The following HHIPL2 variants were observed in gnomAD, a reference collection of about 807,000 sequenced individuals.
HHIPL2 encodes the protein HHIP like 2, also known as HHIP-like protein 2.
A neutral mutation model predicts 61.0 loss-of-function variants in HHIPL2; 61 were observed. That is an observed-to-expected ratio of 1.00 (90% CI 0.81 to 1.24). The LOEUF is 1.24. Ranked by LOEUF, HHIPL2 falls within the 50% of genes most tolerant of loss-of-function variation. The pLI, the probability that HHIPL2 is intolerant of heterozygous loss-of-function variation, is 0.00. For synonymous variants in HHIPL2, 343 were observed against 357.4 expected (o/e 0.96, Z 0.45); for missense variants, 885 against 910.2 (o/e 0.97, Z 0.36).
chr1:222,532,222 G>C (rs1459598547), intron 5 of HHIPL2, 111 bp from the exon 6 acceptor site: 1 of 937,212 alleles, frequency 1.1e-6, no homozygotes, highest in East Asian at 2.7e-5. Flanking sequence ...CCCCCATTAA[G>C]AGATCAATAA....
intron 7 of HHIPL2, chr1:222,525,185 G>C (rs994313123): frequency 6.6e-6 from 1 of 152,138 alleles, no homozygotes; most frequent in African/African-American, 2.4e-5. Context: ...TTGTGAAAGT[G>C]GGGAGTTAAA....
chr1:222,522,543 A>G lies in HHIPL2; in HGVS notation c.*58T>C, dbSNP rs1658974638. On this transcript the variant is annotated 3_prime_UTR_variant, in exon 9 of 9. Transcript: ENST00000343410. Reference sequence around the variant, plus strand: ...AGGTCTTTATTCAGCAGTGACTTTCATTTGATGAGGTGGCTCTCCTCTCTC... The same window carrying G: ...AGGTCTTTATTCAGCAGTGACTTTCGTTTGATGAGGTGGCTCTCCTCTCTC... 4 of 1,561,154 alleles carry G rather than the reference A, an allele frequency of 2.6e-6. No homozygotes were observed. The East Asian group carries it at 9.0e-5, about 35-fold the overall frequency.
chr1:222,533,734 A>T (rs998313402), intron 5 of HHIPL2, among the ~76,000 whole-genome samples: 19 of 152,210 alleles, frequency 1.2e-4, no homozygotes, highest in African/African-American at 4.6e-4. Context: ...GGTGAACCCT[A>T]TGATTTTTCC....
intron 4 of HHIPL2, among the ~76,000 whole-genome samples, chr1:222,539,678 G>A (rs1160406486): frequency 1.3e-5 from 2 of 152,146 alleles, no homozygotes; most frequent in Admixed American, 6.5e-5. Context: ...TCTGCCAGTG[G>A]TTCTCAAAAT....
Position 222,540,412 on chromosome 1 carries a change from A to G in HHIPL2, c.1119-71T>C. ...GCCACAGGACTGGAAGAGATCGCCC[A>G]GAAGGGCCGACTCATAGCTGATGCC... On this transcript the variant is annotated intron_variant, in intron 3 of 8. Transcript: ENST00000343410. 3.2e-6 allele frequency: 4 copies of G among 1,244,590 alleles called. No individual in the cohort carries two copies. In the South Asian group the frequency reaches 4.3e-5, roughly 13 times the overall value. 77.1% of individuals were successfully genotyped at this position (1,244,590 alleles called of 1,614,324 possible). A position where few individuals can be genotyped will look rare whatever the true frequency, so the allele number is the denominator to read the frequency against.
chr1:222,540,679 G>T (rs1659413413), intron 3 of HHIPL2, among the ~76,000 whole-genome samples: 1 of 152,150 alleles, frequency 6.6e-6, no homozygotes, highest in Non-Finnish European at 1.5e-5. Context: ...CTCTGATTTG[G>T]TCTAATATGA....
At chr1:222,537,282 A>C (rs922752332) in intron 5 of HHIPL2, among the ~76,000 whole-genome samples, 1 of 151,726 alleles carries the variant, frequency 6.6e-6, no homozygotes, top group Non-Finnish European at 1.5e-5. Flanking sequence ...AGCCTGATAA[A>C]GGGTGTATAG....
intron 5 of HHIPL2, among the ~76,000 whole-genome samples, chr1:222,534,414 TA>T (rs748905919): frequency 4.6e-5 from 7 of 151,900 alleles, no homozygotes; most frequent in Non-Finnish European, 7.4e-5. Context: ...CCGTCTCTAC[TA>T]AAAATACAAA....
chr1:222,541,912 A>G, intron 3 of HHIPL2, 100 bp downstream of exon 3: 1 of 1,264,248 alleles, frequency 7.9e-7, no homozygotes, highest in Non-Finnish European at 1.1e-6. Context: ...AGTAGACTAC[A>G]TCTTGCAGTG....
At chr1:222,540,969 G>C (rs1056579299) in intron 3 of HHIPL2, among the ~76,000 whole-genome samples, 2 of 152,182 alleles carry the variant, frequency 1.3e-5, no homozygotes, top group Non-Finnish European at 2.9e-5. Flanking sequence ...AGGTGCAGTG[G>C]CTCATGCCTG....
rs781362373 is a variant in HHIPL2, at chr1:222,544,156, C to CGTG, written c.354_355insCAC (p.Asp118_Ala119insHis). 1 of 1,613,382 alleles carries CGTG rather than the reference C, an allele frequency of 6.2e-7. No homozygotes were observed. Among genetic ancestry groups the CGTG allele is most frequent in the Non-Finnish European group, 8.5e-7 (1 of 1,180,012 alleles). On this transcript the variant is annotated inframe_insertion, in exon 2 of 9. Coordinates refer to ENST00000343410, the MANE Select transcript of HHIPL2 (RefSeq NM_024746.4). ...CGGAGAGGCGTCTGGGTGTTTTCGG[C>CGTG]GTCGTAGAGGTGGGCTGCGTAGGGC... is the stretch of plus-strand genomic sequence containing the variant.
At chr1:222,543,148 C>T (rs1571777122) in intron 2 of HHIPL2, among the ~76,000 whole-genome samples, 1 of 152,210 alleles carries the variant, frequency 6.6e-6, no homozygotes, top group Admixed American at 6.5e-5. Flanking sequence ...TGTGCCACAG[C>T]TTCCAGTGAG....
At chr1:222,539,231 G>A (rs1659370835) in intron 4 of HHIPL2, among the ~76,000 whole-genome samples, 1 of 152,072 alleles carries the variant, frequency 6.6e-6, no homozygotes, top group Admixed American at 6.6e-5. Flanking sequence ...TTGATTATTG[G>A]TGTTTAGAAA....
chr1:222,527,080 TG>T (rs1303576750), intron 6 of HHIPL2, 30 bp from the exon 7 acceptor site: 16 of 1,533,050 alleles, frequency 1.0e-5, no homozygotes, highest in Non-Finnish European at 1.4e-5. Flanking sequence ...CAGGCAATAA[TG>T]GGACATCAGG....
At chr1:222,542,420 G>A (rs77226073) in intron 2 of HHIPL2, among the ~76,000 whole-genome samples, 1,859 of 151,404 alleles carry the variant, frequency 0.012, 32 homozygotes, top group African/African-American at 0.043. Context: ...CTGGAGTGCT[G>A]TGGTGCAATC....
intron 5 of HHIPL2, among the ~76,000 whole-genome samples, chr1:222,533,748 A>AT (rs1241310149): frequency 6.6e-6 from 1 of 152,168 alleles, no homozygotes; most frequent in Non-Finnish European, 1.5e-5. Flanking sequence ...TTTTTCCAGC[A>AT]TACTACCTTG....
intron 5 of HHIPL2, among the ~76,000 whole-genome samples, chr1:222,537,897 C>G (rs907856423): frequency 1.3e-5 from 2 of 152,156 alleles, no homozygotes; most frequent in African/African-American, 4.8e-5. Context: ...ACACTGAAGA[C>G]TATAAAATAC....
intron 8 of HHIPL2, among the ~76,000 whole-genome samples, 177 bp from the exon 9 acceptor site, chr1:222,523,064 T>C (rs573458405): frequency 6.6e-6 from 1 of 152,304 alleles, no homozygotes; most frequent in South Asian, 2.1e-4. Flanking sequence ...CAGTGATACA[T>C]GGTTCTGTAA....
chr1:222,530,457 G>C (rs1659163364), intron 6 of HHIPL2, among the ~76,000 whole-genome samples: 1 of 152,154 alleles, frequency 6.6e-6, no homozygotes, highest in South Asian at 2.1e-4. Flanking sequence ...CATATGTTTG[G>C]ACTTCCAATT....
Sources: gnomAD v4.1 joint callset for allele counts (sites outside exome capture counted in the v4.1 genomes callset) on GRCh38, gnomAD v4.1.1 for gene constraint, MANE v1.5 for transcripts, NCBI Gene and HGNC (gene_info 2026-07-23, HGNC 2026-07-21) for gene names.